Variants in SPNS2 observed in about 807,000 individuals in gnomAD.
SPNS2 encodes sphingosine-1-phosphate transporter SPNS2.
Under a neutral mutation model 57.6 loss-of-function variants are expected in SPNS2, and 37 were observed. The observed-to-expected ratio is 0.64, with a 90% confidence interval of 0.49 to 0.85. The LOEUF (loss-of-function observed/expected upper bound fraction) is 0.85, where lower values mean the gene tolerates loss of function less well. Among genes scored for constraint, SPNS2 ranks in the 40% least tolerant of loss-of-function variants. The probability of loss-of-function intolerance (pLI) is 0.00; values close to 1 mark genes in which losing one functional copy is unlikely to be tolerated. For missense variants in SPNS2, 831 were observed against 779.1 expected, an observed-to-expected ratio of 1.07 and a Z score of -0.79; for synonymous variants, 440 against 346.9, an observed-to-expected ratio of 1.27 and a Z score of -2.98.
intron 2 of SPNS2, among the ~76,000 whole-genome samples, chr17:4,514,989 C>T (rs1373258181): frequency 6.6e-6 from 1 of 152,228 alleles, no homozygotes. Context: ...GGCTCTACCC[C>T]ACGCATCCTC....
chr17:4,525,352 A>G (rs1421462506), intron 3 of SPNS2, among the ~76,000 whole-genome samples, 159 bp downstream of exon 3: 2 of 152,166 alleles, frequency 1.3e-5, no homozygotes, highest in African/African-American at 4.8e-5. Flanking sequence ...GTCTTCGGGT[A>G]TTTTTATAAA....
chr17:4,514,713 C>G lies in SPNS2; in HGVS notation c.436+1401C>G, dbSNP rs868717608. On this transcript the variant is annotated intron_variant, in intron 2 of 12. Coordinates refer to ENST00000329078, the MANE Select transcript of SPNS2 (RefSeq NM_001124758.3). ...CCTTCCTGGGTCTCCCTGGCTAGGC[C>G]AGAATAAGTCTGCCTGCCCTGCCGC... 2.0e-5 allele frequency among the ~76,000 whole-genome samples: 3 copies of G among 152,362 alleles called. No homozygotes were observed. The South Asian group carries it at 6.2e-4, about 32-fold the overall frequency.
In SPNS2 at chr17:4,499,410, C is replaced by A. The variant is rs1597356044; in HGVS notation, c.363C>A (p.Thr121=). Residue 121 remains threonine, a synonymous_variant, in exon 1 of 13, where the codon ACC becomes ACA. Coordinates refer to ENST00000329078, the MANE Select transcript of SPNS2 (RefSeq NM_001124758.3). This position sits in a 1 kb window ranked among gnomAD's most constrained non-coding sequence, Gnocchi z 5.2. ...GNVLNYLDRY[T]VAGVLLDIQQ... is the part of the protein sequence containing the mutation. Reference sequence around the variant, plus strand: ...TGCTCAACTACCTGGACAGGTACACCGTGGCAGGTGAGCGAGTGCCCCACC... The same window carrying A: ...TGCTCAACTACCTGGACAGGTACACAGTGGCAGGTGAGCGAGTGCCCCACC... The A allele has an allele frequency of 5.2e-6, 7 of 1,337,586 alleles. No homozygotes were observed. The highest frequency in any genetic ancestry group is 3.1e-5 in the East Asian group (1 of 32,428). 82.9% of individuals were successfully genotyped at this position (1,337,586 alleles called of 1,614,324 possible). A position where few individuals can be genotyped will look rare whatever the true frequency, so the allele number is the denominator to read the frequency against.
At chr17:4,528,189 A>AT (rs1905316416) in intron 3 of SPNS2, among the ~76,000 whole-genome samples, 1 of 151,662 alleles carries the variant, frequency 6.6e-6, no homozygotes, top group Admixed American at 6.6e-5. Context: ...CACCCAGCTA[A>AT]TTTTTGTATT....
chr17:4,515,522 C>T (rs965639508), intron 2 of SPNS2, among the ~76,000 whole-genome samples: 1 of 152,184 alleles, frequency 6.6e-6, no homozygotes, highest in Non-Finnish European at 1.5e-5. Flanking sequence ...GTCTGTACAC[C>T]ATGGCCCTCA....
chr17:4,528,172 G>A (rs890952516), intron 3 of SPNS2, among the ~76,000 whole-genome samples: 14 of 151,714 alleles, frequency 9.2e-5, no homozygotes, highest in African/African-American at 1.7e-4. Flanking sequence ...ACAGGCACGC[G>A]CCACCACACC....
chr17:4,521,596 C>T (rs1905139354), intron 2 of SPNS2, among the ~76,000 whole-genome samples: 1 of 152,216 alleles, frequency 6.6e-6, no homozygotes, highest in South Asian at 2.1e-4. Flanking sequence ...TCATGAGAGT[C>T]AATTGTTAAC....
rs778723355 is a variant in SPNS2 at position 4,530,620 on chromosome 17, C to T, written c.574-12C>T. The T allele has an allele frequency of 3.1e-6, 5 of 1,607,870 alleles. No individual in the cohort carries two copies. The highest frequency in any genetic ancestry group is 4.2e-6 in the Non-Finnish European group (5 of 1,176,982). On this transcript the variant is annotated splice_polypyrimidine_tract_variant and intron_variant, in intron 3 of 12. Transcript: ENST00000329078. ...TAGTCGGTCCCCCAGCATCCTCCAC[C>T]CCTCCTCACAGTACTTCTGGCTGCT...
chr17:4,529,252 T>G (rs1431458752), intron 3 of SPNS2, among the ~76,000 whole-genome samples: 3 of 151,806 alleles, frequency 2.0e-5, no homozygotes. Flanking sequence ...ATCTTATTTT[T>G]AAATTTTTTT....
At chr17:4,518,835 G>A (rs914153406) in intron 2 of SPNS2, among the ~76,000 whole-genome samples, 20 of 152,126 alleles carry the variant, frequency 1.3e-4, no homozygotes, top group Non-Finnish European at 2.8e-4. Context: ...AGGCACAGCC[G>A]GGCAGCCCCT....
intron 5 of SPNS2, among the ~76,000 whole-genome samples, chr17:4,532,232 C>G (rs566695542): frequency 5.3e-5 from 8 of 152,162 alleles, no homozygotes; most frequent in African/African-American, 1.4e-4. Context: ...CTTTAGCCAT[C>G]TCTTCTCTAT....
intron 2 of SPNS2, among the ~76,000 whole-genome samples, chr17:4,520,380 A>T (rs1905108602): frequency 6.6e-6 from 1 of 152,012 alleles, no homozygotes; most frequent in Non-Finnish European, 1.5e-5. Flanking sequence ...GCAAGAGGAG[A>T]GAATGGAGCA....
At chr17:4,514,943 C>A (rs890268399) in intron 2 of SPNS2, among the ~76,000 whole-genome samples, 1 of 152,244 alleles carries the variant, frequency 6.6e-6, no homozygotes, top group African/African-American at 2.4e-5. Flanking sequence ...CCTCATCCCC[C>A]TCCTGGTCCC....
At chr17:4,536,844 C>A (rs548804911) in intron 11 of SPNS2, 56 bp from the exon 12 acceptor site, 17 of 1,454,506 alleles carry the variant, frequency 1.2e-5, no homozygotes, top group Middle Eastern at 2.2e-4. Context: ...CAGAGCAGTG[C>A]CCGGGCCCGG....
chr17:4,524,137 T>C (rs148259344), intron 2 of SPNS2, among the ~76,000 whole-genome samples: 7 of 152,330 alleles, frequency 4.6e-5, no homozygotes, highest in Admixed American at 4.6e-4. Flanking sequence ...GGCCCAGTTC[T>C]GCCTGATTTG....
At position 4,512,837 on chromosome 17, in the gene SPNS2, C is replaced by T. The variant is rs1185276309; in HGVS notation, c.371-410C>T. ...GCCCCTCCCAGGCCAGAGGGCTCCC[C>T]GCAGCTTTCAGGGCCCCCGCTGCTC... On this transcript the variant is annotated intron_variant, in intron 1 of 12. Transcript: ENST00000329078. The surrounding 1 kb of genome is among the most constrained non-coding windows in gnomAD (Gnocchi z 5.2). Among the ~76,000 whole-genome samples the T allele has an allele frequency of 2.0e-5, 3 of 151,852 alleles. No homozygotes were observed. Among genetic ancestry groups the T allele is most frequent in the Admixed American group, 6.6e-5 (1 of 15,266 alleles).
chr17:4,520,913 A>G (rs534954148), intron 2 of SPNS2, among the ~76,000 whole-genome samples: 43 of 152,354 alleles, frequency 2.8e-4, no homozygotes, highest in African/African-American at 9.6e-4. Flanking sequence ...ATATATCCAT[A>G]AATAATAACT....
intron 2 of SPNS2, among the ~76,000 whole-genome samples, chr17:4,516,259 A>G (rs1904982089): frequency 6.7e-6 from 1 of 148,768 alleles, no homozygotes; most frequent in Non-Finnish European, 1.5e-5. Flanking sequence ...GATTGCAGTA[A>G]GCCCAGATTG....
In SPNS2 at chr17:4,511,946, A is replaced by G. The variant is rs1440333870; in HGVS notation, c.371-1301A>G. ...GCACCTGGAGATTCCACTTTTTCCT[A>G]CTTCCCTGTGGTGTGACTTTGAGCC... is the stretch of plus-strand genomic sequence containing the variant. On this transcript the variant is annotated intron_variant, in intron 1 of 12. Coordinates refer to ENST00000329078, the MANE Select transcript of SPNS2 (RefSeq NM_001124758.3). The surrounding 1 kb of genome is among the most constrained non-coding windows in gnomAD (Gnocchi z 4.6). Among the ~76,000 whole-genome samples, 3 of 151,932 alleles carry G rather than the reference A, an allele frequency of 2.0e-5. No homozygotes were observed. The highest frequency in any genetic ancestry group is 4.4e-5 in the Non-Finnish European group (3 of 67,962).
Sources: gnomAD v4.1 joint callset for allele counts (sites outside exome capture counted in the v4.1 genomes callset) on GRCh38, gnomAD v4.1.1 for gene constraint, Gnocchi (gnomAD v3.1) non-coding constraint, MANE v1.5 for transcripts, NCBI Gene and HGNC (gene_info 2026-07-23, HGNC 2026-07-21) for gene names.